The following BCAR3 variants were observed in gnomAD, a reference collection of about 807,000 sequenced individuals.
BCAR3 encodes BCAR3 adaptor protein, NSP family member.
A neutral mutation model predicts 80.1 loss-of-function variants in BCAR3; 37 were observed. The ratio of observed to expected loss-of-function variants is 0.46; its 90% CI spans 0.36 to 0.61. The LOEUF (loss-of-function observed/expected upper bound fraction) is 0.61, where lower values mean the gene tolerates loss of function less well. Ranked by LOEUF, BCAR3 falls within the 20% of genes least tolerant of loss-of-function variation. The probability of loss-of-function intolerance (pLI) is 0.00; values close to 1 mark genes in which losing one functional copy is unlikely to be tolerated. For synonymous variants in BCAR3, 389 were observed against 418.9 expected (o/e 0.93, Z 0.87); for missense variants, 978 against 1,068.2 (o/e 0.92, Z 1.18).
chr1:93,637,175 AT>A (rs910808949), intron 3 of BCAR3, among the ~76,000 whole-genome samples: 65 of 144,840 alleles, frequency 4.5e-4, no homozygotes, highest in African/African-American at 6.0e-4. Context: ...AAAATGTAAA[AT>A]TTTTTTTTTT....
At chr1:93,728,105 T>G (rs1294837287) in intron 2 of BCAR3, among the ~76,000 whole-genome samples, 1 of 152,238 alleles carries the variant, frequency 6.6e-6, no homozygotes, top group Non-Finnish European at 1.5e-5. Context: ...ACTGACACTT[T>G]GATGTGAGGC....
chr1:93,819,892 C>CA, intron 2 of BCAR3, among the ~76,000 whole-genome samples: 1 of 152,242 alleles, frequency 6.6e-6, no homozygotes, highest in South Asian at 2.1e-4. Flanking sequence ...ACCTGATAGA[C>CA]AGTTTTCTGA....
chr1:93,734,139 T>C (rs1039409194), intron 2 of BCAR3, among the ~76,000 whole-genome samples: 7 of 152,256 alleles, frequency 4.6e-5, no homozygotes, highest in Non-Finnish European at 1.0e-4. Context: ...AGGTGTCTTA[T>C]GTGCCTCATC....
intron 2 of BCAR3, among the ~76,000 whole-genome samples, chr1:93,780,474 C>G (rs1652726911): frequency 6.6e-6 from 1 of 151,936 alleles, no homozygotes; most frequent in South Asian, 2.1e-4. Flanking sequence ...CATCTGCTCT[C>G]TACTCTGGCC....
chr1:93,581,411 AT>A (rs201034104), intron 7 of BCAR3, among the ~76,000 whole-genome samples: 6,566 of 144,102 alleles, frequency 0.046, 189 homozygotes, highest in East Asian at 0.14. Flanking sequence ...GTATTTTAGA[AT>A]TTTTTTTTTT....
chr1:93,671,054 G>A (rs868284714), intron 2 of BCAR3, among the ~76,000 whole-genome samples: 8 of 152,076 alleles, frequency 5.3e-5, no homozygotes, highest in African/African-American at 1.7e-4. Context: ...GTGCAGTGGC[G>A]TGATCTCAGC....
At chr1:93,643,502 C>T (rs1387989946) in intron 2 of BCAR3, among the ~76,000 whole-genome samples, 5 of 138,520 alleles carry the variant, frequency 3.6e-5, no homozygotes, top group African/African-American at 8.3e-5. Flanking sequence ...GCCAAGATCA[C>T]GCCATCGCAC....
intron 2 of BCAR3, among the ~76,000 whole-genome samples, chr1:93,790,634 A>ATTCTTTTTTT (rs1234204229): frequency 6.5e-5 from 7 of 107,416 alleles, no homozygotes; most frequent in East Asian, 2.7e-4. Context: ...TTTTGTATTC[A>ATTCTTTTTTT]TTTTTTTTTT....
intron 2 of BCAR3, among the ~76,000 whole-genome samples, chr1:93,736,778 G>T (rs181688150): frequency 6.6e-6 from 1 of 152,276 alleles, no homozygotes; most frequent in East Asian, 1.9e-4. Context: ...AAAATTCCCA[G>T]GAAAAGTAGG....
chr1:93,576,077 C>G lies in BCAR3; in HGVS notation c.1739G>C (p.Ser580Thr). The G allele has an allele frequency of 6.2e-7, 1 of 1,614,142 alleles. No homozygotes were observed. The highest frequency in any genetic ancestry group is 8.5e-7 in the Non-Finnish European group (1 of 1,180,018). Residue 580 changes from serine (S) to threonine (T), a missense_variant, in exon 8 of 12, where the codon AGC becomes ACC. Coordinates refer to ENST00000260502, the MANE Select transcript of BCAR3 (RefSeq NM_003567.4). ...SEEMRRNMGVSSGLELITLPH... is the reference protein window; with the variant it reads ...SEEMRRNMGVTSGLELITLPH... ...CAAGGTAATGAGTTCCAGGCCTGAG[C>G]TCACCCCCATGTTCCTCCTCATCTC...
At chr1:93,641,657 C>A (rs1239739926) in intron 3 of BCAR3, among the ~76,000 whole-genome samples, 1 of 152,184 alleles carries the variant, frequency 6.6e-6, no homozygotes, top group African/African-American at 2.4e-5. Context: ...GACCGCCAGT[C>A]CGGCTGGAAA....
At chr1:93,764,345 C>A (rs1335787042) in intron 2 of BCAR3, among the ~76,000 whole-genome samples, 2 of 152,162 alleles carry the variant, frequency 1.3e-5, no homozygotes, top group East Asian at 3.9e-4. Flanking sequence ...CCTCCTTCAT[C>A]CTCTTTCTCC....
At chr1:93,731,797 A>G (rs1350963564) in intron 2 of BCAR3, among the ~76,000 whole-genome samples, 2 of 152,226 alleles carry the variant, frequency 1.3e-5, no homozygotes, top group Non-Finnish European at 2.9e-5. Context: ...AGTCCTTTTC[A>G]GGCATAGTGC....
At position 93,582,400 on chromosome 1, in the gene BCAR3, A is replaced by T. The variant is rs147997848; in HGVS notation, c.1587T>A (p.Asn529Lys). ...EFESKFLPPENKPLETAMLKR... is the reference protein window; with the variant it reads ...EFESKFLPPEKKPLETAMLKR... Reference sequence around the variant, plus strand: ...TCAACATTGCTGTTTCCAGGGGCTTATTCTCAGGGGGAAGGAACTTTGACT... The same window carrying T: ...TCAACATTGCTGTTTCCAGGGGCTTTTTCTCAGGGGGAAGGAACTTTGACT... Residue 529 changes from asparagine (N) to lysine (K), a missense_variant, in exon 7 of 12, where the codon AAT becomes AAA. Physicochemically the swap from Asn to Lys is moderately conservative, Grantham distance 94. Transcript: ENST00000260502. The T allele has an allele frequency of 2.6e-5, 42 of 1,614,082 alleles. No individual in the cohort carries two copies. In the African/African-American group the frequency reaches 5.2e-4, roughly 20 times the overall value.
intron 2 of BCAR3, among the ~76,000 whole-genome samples, chr1:93,834,509 C>T (rs1654693891): frequency 6.6e-6 from 1 of 152,204 alleles, no homozygotes; most frequent in Non-Finnish European, 1.5e-5. Flanking sequence ...TTTTTCATTA[C>T]ACACAGCTGA....
chr1:93,761,987 C>T (rs188880939), intron 2 of BCAR3, among the ~76,000 whole-genome samples: 73 of 152,328 alleles, frequency 4.8e-4, no homozygotes, highest in African/African-American at 1.7e-3. Context: ...TGCAGGCCCA[C>T]AGTGCTGACT....
At chr1:93,597,876 G>A (rs895197780) in intron 3 of BCAR3, among the ~76,000 whole-genome samples, 11 of 152,148 alleles carry the variant, frequency 7.2e-5, no homozygotes, top group African/African-American at 1.2e-4. Flanking sequence ...ACCTCTGCTC[G>A]GTTACACGGA....
intron 3 of BCAR3, among the ~76,000 whole-genome samples, chr1:93,623,883 T>G (rs997714480): frequency 1.3e-5 from 2 of 152,214 alleles, no homozygotes; most frequent in East Asian, 3.9e-4. Flanking sequence ...TGATGTTACA[T>G]GAAAACATGC....
At chr1:93,572,662 CA>C (rs2101810294) in intron 8 of BCAR3, among the ~76,000 whole-genome samples, 1 of 152,292 alleles carries the variant, frequency 6.6e-6, no homozygotes, top group Non-Finnish European at 1.5e-5. Context: ...AATCAGGACC[CA>C]GGAGTTAACT....
Sources: allele counts gnomAD v4.1 joint callset (sites outside exome capture counted in the v4.1 genomes callset), GRCh38; gene constraint gnomAD v4.1.1; transcripts MANE v1.5; gene names NCBI Gene and HGNC (gene_info 2026-07-23, HGNC 2026-07-21).